The following CSMD1 variants were observed in gnomAD, a reference collection of about 807,000 sequenced individuals.
CSMD1 encodes CUB and sushi domain-containing protein 1.
A neutral mutation model predicts 417.5 loss-of-function variants in CSMD1; 213 were observed. That is an observed-to-expected ratio of 0.51 (90% CI 0.46 to 0.57). The LOEUF (loss-of-function observed/expected upper bound fraction) is 0.57, where lower values mean the gene tolerates loss of function less well. Among genes scored for constraint, CSMD1 ranks in the 20% least tolerant of loss-of-function variants. CSMD1 has a pLI of 0.00. For missense variants in CSMD1, 6,923 were observed against 4,529.7 expected, an observed-to-expected ratio of 1.53 and a Z score of -15.17; for synonymous variants, 2,862 against 1,736.8, an observed-to-expected ratio of 1.65 and a Z score of -16.11.
At chr8:4,291,150 G>C (rs765567405) in intron 3 of CSMD1, among the ~76,000 whole-genome samples, 3 of 151,874 alleles carry the variant, frequency 2.0e-5, no homozygotes, top group Admixed American at 1.3e-4. Context: ...ATATGGTTTG[G>C]GGATTATCTA....
intron 54 of CSMD1, among the ~76,000 whole-genome samples, chr8:2,992,206 C>T (rs1806453529): frequency 6.7e-6 from 1 of 149,342 alleles, no homozygotes; most frequent in Admixed American, 6.6e-5. Flanking sequence ...CATACATACA[C>T]ACATGCACAC....
intron 3 of CSMD1, among the ~76,000 whole-genome samples, chr8:4,148,440 G>A (rs991262316): frequency 1.3e-5 from 2 of 151,680 alleles, no homozygotes; most frequent in African/African-American, 4.8e-5. Context: ...AATTCCTGCA[G>A]CACACCAACA....
chr8:4,303,292 T>C (rs977330250), intron 3 of CSMD1, among the ~76,000 whole-genome samples: 1 of 152,178 alleles, frequency 6.6e-6, no homozygotes, highest in Admixed American at 6.5e-5. Context: ...TAATTATTTT[T>C]ACTTAGTTAT....
chr8:3,171,990 AATG>A (rs1820609517), intron 37 of CSMD1, among the ~76,000 whole-genome samples: 1 of 152,278 alleles, frequency 6.6e-6, no homozygotes, highest in Middle Eastern at 3.4e-3. Context: ...GACTTACCTA[AATG>A]ATATTATATT....
At chr8:4,925,312 G>C (rs1345832768) in intron 1 of CSMD1, among the ~76,000 whole-genome samples, 1 of 126,118 alleles carries the variant, frequency 7.9e-6, no homozygotes. Context: ...CCAGACACAA[G>C]TAGGTGGTCT....
intron 5 of CSMD1, among the ~76,000 whole-genome samples, chr8:3,827,455 G>A (rs1257075746): frequency 6.6e-6 from 1 of 152,138 alleles, no homozygotes; most frequent in South Asian, 2.1e-4. Flanking sequence ...TTTTAATAGT[G>A]CAAAACCTGT....
intron 3 of CSMD1, among the ~76,000 whole-genome samples, chr8:4,190,222 G>A (rs942050891): frequency 7.4e-6 from 1 of 134,498 alleles, no homozygotes; most frequent in African/African-American, 2.9e-5. Context: ...TCGAGTCACT[G>A]CCCTCCAGCC....
rs1287299088 is a variant in CSMD1, at chr8:2,935,538, G to T, written c.*3047C>A. 1 of 151,720 alleles carries T rather than the reference G, an allele frequency of 6.6e-6. No individual in the cohort carries two copies. Among genetic ancestry groups the T allele is most frequent in the Non-Finnish European group, 1.5e-5 (1 of 67,954 alleles). The allele number at this position is 151,720 out of a possible 1,614,324, so 9.4% of individuals were successfully genotyped here. ...TTGGAACTGAAAATCAGCTAGAGAT[G>T]GTACATTTTACATTATTGGGAAAAT... On this transcript the variant is annotated 3_prime_UTR_variant, in exon 70 of 70. Coordinates refer to ENST00000635120, the MANE Select transcript of CSMD1 (RefSeq NM_033225.6).
chr8:4,834,043 G>A (rs1223923990), intron 1 of CSMD1, among the ~76,000 whole-genome samples: 2 of 152,122 alleles, frequency 1.3e-5, no homozygotes, highest in Non-Finnish European at 2.9e-5. Context: ...TGGCCAGTAG[G>A]TGCCACCATT....
chr8:3,275,038 A>T (rs1446122241), intron 26 of CSMD1, among the ~76,000 whole-genome samples: 2 of 152,034 alleles, frequency 1.3e-5, no homozygotes, highest in Admixed American at 1.3e-4. Context: ...GGTCTTTACA[A>T]TTTGGCATGA....
intron 26 of CSMD1, among the ~76,000 whole-genome samples, chr8:3,255,073 T>G (rs1014715688): frequency 4.0e-4 from 61 of 152,332 alleles, no homozygotes; most frequent in African/African-American, 1.3e-3. Flanking sequence ...TCCTGTTTGT[T>G]AGTTTTCATT....
chr8:4,915,037 C>A (rs113564364), intron 1 of CSMD1, among the ~76,000 whole-genome samples: 1 of 152,032 alleles, frequency 6.6e-6, no homozygotes, highest in African/African-American at 2.4e-5. Flanking sequence ...AGAAACTGCA[C>A]GTGTGGAGGG....
intron 49 of CSMD1, among the ~76,000 whole-genome samples, chr8:3,066,548 T>A (rs150128646): frequency 6.6e-6 from 1 of 152,210 alleles, no homozygotes; most frequent in Admixed American, 6.5e-5. Context: ...TGAGTAATCA[T>A]GGCTTCCTTG....
intron 3 of CSMD1, among the ~76,000 whole-genome samples, chr8:4,214,672 G>C (rs189725063): frequency 6.6e-6 from 1 of 152,120 alleles, no homozygotes; most frequent in Non-Finnish European, 1.5e-5. Context: ...GTATGAGTAT[G>C]AGTGTGTTTG....
chr8:3,825,323 A>C (rs554207180), intron 5 of CSMD1, among the ~76,000 whole-genome samples: 1 of 152,246 alleles, frequency 6.6e-6, no homozygotes, highest in Non-Finnish European at 1.5e-5. Flanking sequence ...GGATGTCAGG[A>C]GCTCGAGACC....
At chr8:3,593,992 G>T (rs1409595304) in intron 8 of CSMD1, among the ~76,000 whole-genome samples, 1 of 152,170 alleles carries the variant, frequency 6.6e-6, no homozygotes, top group East Asian at 1.9e-4. Context: ...TTAGAAAGAC[G>T]ACAGTGTTTT....
rs547052950 is a variant in CSMD1, at chr8:3,535,089, A to T, written c.1344+39856T>A. On this transcript the variant is annotated intron_variant, in intron 10 of 69. Transcript: ENST00000635120. ...CAGCCTACTGAGTAGTTGGGACTAC[A>T]GGGTGTACCAACATAGTCAGCTAAT... Among the ~76,000 whole-genome samples the T allele has an allele frequency of 1.3e-4, 20 of 152,072 alleles. No individual in the cohort carries two copies. The South Asian group carries it at 1.5e-3, about 11-fold the overall frequency.
At chr8:4,504,158 G>C (rs1802403918) in intron 2 of CSMD1, among the ~76,000 whole-genome samples, 1 of 152,054 alleles carries the variant, frequency 6.6e-6, no homozygotes, top group Non-Finnish European at 1.5e-5. Flanking sequence ...CTCTTCAAAA[G>C]GGAGATCCTG....
At chr8:4,874,459 G>A (rs549499969) in intron 1 of CSMD1, among the ~76,000 whole-genome samples, 2 of 140,128 alleles carry the variant, frequency 1.4e-5, no homozygotes, top group African/African-American at 2.7e-5. Flanking sequence ...TTCCATTCTC[G>A]ACTCACTGCA....
Sources: allele counts gnomAD v4.1 joint callset (sites outside exome capture counted in the v4.1 genomes callset), GRCh38; gene constraint gnomAD v4.1.1; transcripts MANE v1.5; gene names NCBI Gene and HGNC (gene_info 2026-07-23, HGNC 2026-07-21).